The following IQGAP2 variants were observed in gnomAD, a reference collection of about 807,000 sequenced individuals.
IQGAP2 encodes the protein IQ motif containing GTPase activating protein 2.
In IQGAP2, 173 loss-of-function variants were observed where a neutral mutation model predicts 201.3. The observed-to-expected ratio is 0.86, with a 90% CI of 0.76 to 0.98. The LOEUF (loss-of-function observed/expected upper bound fraction) is 0.98, where lower values mean the gene tolerates loss of function less well. Among genes scored for constraint, IQGAP2 ranks in the 50% least tolerant of loss-of-function variants. The pLI is 0.00. For synonymous variants in IQGAP2, 675 were observed against 673.9 expected (o/e 1.00, Z -0.03); for missense variants, 1,687 against 1,864.8 (o/e 0.90, Z 1.76).
chr5:76,502,901 AT>A (rs34968249), intron 2 of IQGAP2, among the ~76,000 whole-genome samples: 351 of 142,014 alleles, frequency 2.5e-3, no homozygotes, highest in Middle Eastern at 3.7e-3. Context: ...ACAGCTGGCT[AT>A]TTTTTTTTTT....
At chr5:76,647,606 C>G (rs994586663) in intron 17 of IQGAP2, among the ~76,000 whole-genome samples, 2 of 152,106 alleles carry the variant, frequency 1.3e-5, no homozygotes, top group African/African-American at 4.8e-5. Flanking sequence ...CTTTTGCCTT[C>G]CACCATGATT....
At chr5:76,468,394 A>C (rs1561394479) in intron 2 of IQGAP2, among the ~76,000 whole-genome samples, 1 of 152,178 alleles carries the variant, frequency 6.6e-6, no homozygotes, top group Non-Finnish European at 1.5e-5. Context: ...TGAACTTTTT[A>C]CTCAAGAGTT....
Position 76,695,630 on chromosome 5 carries a change from A to C in IQGAP2, c.4170A>C (p.Glu1390Asp). 6.2e-7 allele frequency: 1 copy of C among 1,614,142 alleles called. No homozygotes were observed. The highest frequency in any genetic ancestry group is 8.5e-7 in the Non-Finnish European group (1 of 1,180,006). ...AACAGACTGGACACGTGTCATCCGA[A>C]AATAAATACCAAGACATTCTCAATG... is the stretch of plus-strand genomic sequence containing the variant. ...TLEQTGHVSS[E>D]NKYQDILNEI... Residue 1390 changes from glutamate (E) to aspartate (D), a missense_variant, in exon 32 of 36, where the codon GAA becomes GAC. By Grantham distance (45) the Glu-to-Asp change is conservative (BLOSUM62 2). Coordinates refer to ENST00000274364, the MANE Select transcript of IQGAP2 (RefSeq NM_006633.5).
At chr5:76,502,901 A>ATT (rs34968249) in intron 2 of IQGAP2, among the ~76,000 whole-genome samples, 13,608 of 142,190 alleles carry the variant, frequency 0.096, 763 homozygotes, top group South Asian at 0.28. Context: ...ACAGCTGGCT[A>ATT]TTTTTTTTTT....
At chr5:76,705,885 T>C (rs1311556227) in intron 35 of IQGAP2, among the ~76,000 whole-genome samples, 1 of 152,232 alleles carries the variant, frequency 6.6e-6, no homozygotes, top group African/African-American at 2.4e-5. Context: ...TGTACCTATG[T>C]TACTATGAAA....
chr5:76,523,891 CG>C (rs1758826746), intron 2 of IQGAP2, among the ~76,000 whole-genome samples: 1 of 152,140 alleles, frequency 6.6e-6, no homozygotes, highest in Non-Finnish European at 1.5e-5. Context: ...CTCTCCACCT[CG>C]GACACACTGT....
chr5:76,600,734 A>G (rs1747375282), intron 10 of IQGAP2, 78 bp from the exon 11 acceptor site: 3 of 1,504,044 alleles, frequency 2.0e-6, no homozygotes, highest in East Asian at 4.6e-5. Context: ...TGTTTGTTGA[A>G]ATGTGCATTG....
intron 33 of IQGAP2, among the ~76,000 whole-genome samples, chr5:76,698,493 T>G (rs1438543453): frequency 6.6e-6 from 1 of 152,202 alleles, no homozygotes; most frequent in African/African-American, 2.4e-5. Flanking sequence ...GTTTTTGGAA[T>G]GTATTTTATA....
chr5:76,412,316 T>C (rs1026616005), intron 1 of IQGAP2, among the ~76,000 whole-genome samples: 59 of 152,292 alleles, frequency 3.9e-4, no homozygotes, highest in African/African-American at 1.4e-3. Context: ...TTTTTAAAAA[T>C]TAGGGTGGTT....
chr5:76,535,188 C>G (rs1027437822), intron 2 of IQGAP2, among the ~76,000 whole-genome samples: 5 of 152,012 alleles, frequency 3.3e-5, no homozygotes, highest in Non-Finnish European at 5.9e-5. Flanking sequence ...CAAGATCAGG[C>G]TTGTACTAGA....
chr5:76,638,691 A>G (rs775348239), intron 16 of IQGAP2, among the ~76,000 whole-genome samples: 5 of 152,210 alleles, frequency 3.3e-5, no homozygotes, highest in Non-Finnish European at 7.3e-5. Flanking sequence ...CCCTACATAG[A>G]GGAATGAGAG....
intron 2 of IQGAP2, among the ~76,000 whole-genome samples, chr5:76,479,698 G>T (rs146490656): frequency 6.6e-6 from 1 of 152,240 alleles, no homozygotes; most frequent in East Asian, 1.9e-4. Context: ...AACCCCTGAC[G>T]ATGTGTTCTG....
chr5:76,617,344 G>A (rs550301042), intron 13 of IQGAP2: 1 of 400,782 alleles, frequency 2.5e-6, no homozygotes, highest in African/African-American at 2.0e-5. Flanking sequence ...TTGGGAGGCT[G>A]ACCTGGGAGG....
rs1038302660 is a variant in IQGAP2, at chr5:76,570,647, G to A, written c.371G>A (p.Gly124Asp). Residue 124 changes from glycine to aspartate, a missense_variant, in exon 4 of 36, where the codon GGT (glycine) becomes GAT (aspartate). Physicochemically the swap from Gly to Asp is moderately conservative, Grantham distance 94. Coordinates refer to ENST00000274364, the MANE Select transcript of IQGAP2 (RefSeq NM_006633.5). ...TGGTTAAGAGCGATGGAGTCTATTG[G>A]TCTACCCAAGGTAAGCCTTCACGCA... ...VQWLRAMESIGLPKIFYPETT... is the reference protein window; with the variant it reads ...VQWLRAMESIDLPKIFYPETT... 1.9e-6 allele frequency: 3 copies of A among 1,612,164 alleles called. No individual in the cohort carries two copies. The highest frequency in any genetic ancestry group is 2.2e-5 in the South Asian group (2 of 91,038).
rs74907751 is a variant in IQGAP2, at chr5:76,492,723, G to A, written c.146+31054G>A. 6.6e-5 allele frequency among the ~76,000 whole-genome samples: 10 copies of A among 152,290 alleles called. No individual in the cohort carries two copies. In the East Asian group the frequency reaches 1.9e-3, roughly 29 times the overall value. On this transcript the variant is annotated intron_variant, in intron 2 of 35. Transcript: ENST00000274364. ...CAGAGGAATACTGGGCAGAGAAGGA[G>A]ACTTTTGCAGTAGTCTAGGCAGGGA...
intron 22 of IQGAP2, 46 bp from the exon 23 acceptor site, chr5:76,668,635 T>G: frequency 6.8e-7 from 1 of 1,480,790 alleles, no homozygotes; most frequent in South Asian, 1.2e-5. Context: ...ATTAACTTAT[T>G]GTTTTGTGGG....
intron 1 of IQGAP2, among the ~76,000 whole-genome samples, chr5:76,445,279 A>G (rs1212858030): frequency 1.3e-5 from 2 of 152,190 alleles, no homozygotes; most frequent in African/African-American, 2.4e-5. Context: ...TGCTCTGGCC[A>G]CTTGCCAGCT....
At chr5:76,557,129 A>G (rs1744005384) in intron 2 of IQGAP2, among the ~76,000 whole-genome samples, 2 of 152,144 alleles carry the variant, frequency 1.3e-5, no homozygotes, top group South Asian at 4.1e-4. Context: ...TTTTGTTATC[A>G]CTTTTGTTTT....
chr5:76,647,628 C>T (rs458661), intron 17 of IQGAP2, among the ~76,000 whole-genome samples: 54,194 of 151,878 alleles, frequency 0.36, 9,806 homozygotes, highest in Non-Finnish European at 0.39. Flanking sequence ...TGAGGCCTCC[C>T]CAGCCACATG....
Sources: allele counts gnomAD v4.1 joint callset (sites outside exome capture counted in the v4.1 genomes callset), GRCh38; gene constraint gnomAD v4.1.1; transcripts MANE v1.5; gene names NCBI Gene and HGNC (gene_info 2026-07-23, HGNC 2026-07-21).